Variants in NAF1 observed in about 807,000 individuals in gnomAD.
The protein encoded by NAF1 is nuclear assembly factor 1 ribonucleoprotein.
NAF1 carries 11 observed loss-of-function variants against 40.6 expected under a neutral mutation model. That is an observed-to-expected ratio of 0.27 (90% CI 0.17 to 0.45). The LOEUF (loss-of-function observed/expected upper bound fraction) is 0.45, where lower values mean the gene tolerates loss of function less well. Ranked by LOEUF, NAF1 falls within the 20% of genes least tolerant of loss-of-function variation. NAF1 has a pLI of 1.00. For missense variants in NAF1, 607 were observed against 611.1 expected, an observed-to-expected ratio of 0.99 and a Z score of 0.07; for synonymous variants, 260 against 228.5, an observed-to-expected ratio of 1.14 and a Z score of -1.24.
At chr4:163,113,857 C>T (rs1177539712) in intron 2 of NAF1, among the ~76,000 whole-genome samples, 1 of 152,200 alleles carries the variant, frequency 6.6e-6, no homozygotes, top group East Asian at 1.9e-4. Flanking sequence ...ATGCCATGGA[C>T]TACTTGTGTT....
At chr4:163,123,720 T>C (rs1364743215), downstream of NAF1, among the ~76,000 whole-genome samples, 1 of 152,186 alleles carries the variant, frequency 6.6e-6, no homozygotes, top group East Asian at 1.9e-4. Context: ...TATATTAGCT[T>C]AGGCAATGAT....
intron 2 of NAF1, among the ~76,000 whole-genome samples, chr4:163,163,679 A>AATTC (rs1732323147): frequency 6.7e-6 from 1 of 149,170 alleles, no homozygotes; most frequent in Admixed American, 6.6e-5. Flanking sequence ...ACCATTCTAC[A>AATTC]ATTAACAAGT....
intron 6 of NAF1, among the ~76,000 whole-genome samples, chr4:163,134,481 T>G (rs533031994): frequency 2.0e-5 from 3 of 152,320 alleles, no homozygotes; most frequent in South Asian, 2.1e-4. Flanking sequence ...GATAAGATTT[T>G]AAAACTCAGG....
At chr4:163,123,595 G>A (rs543981106), downstream of NAF1, among the ~76,000 whole-genome samples, 19 of 152,156 alleles carry the variant, frequency 1.2e-4, no homozygotes, top group South Asian at 3.1e-3. Context: ...GCCCAGGTTG[G>A]TGGTCTTGAA....
chr4:163,149,397 GAGT>G (rs1448217242), intron 2 of NAF1, among the ~76,000 whole-genome samples: 1 of 152,170 alleles, frequency 6.6e-6, no homozygotes, highest in Non-Finnish European at 1.5e-5. Context: ...AATGCATCCT[GAGT>G]AATCATATTA....
At chr4:163,133,085 T>C in intron 7 of NAF1, 69 bp downstream of exon 7, 2 of 1,313,962 alleles carry the variant, frequency 1.5e-6, no homozygotes, top group Admixed American at 3.7e-5. Context: ...TCCTTCAGTT[T>C]TATTATTGAT....
In NAF1 at chr4:163,115,254, G is replaced by T. The variant is rs1254354271; in HGVS notation, c.115-4964C>A. ...GACAGAGTCTCGCTCTGTCGCCCAG[G>T]CTGGAGTGCAGTGGCGCCATCTCGG... On this transcript the variant is annotated intron_variant, in intron 2 of 2. Transcript: ENST00000509434. Among the ~76,000 whole-genome samples the T allele has an allele frequency of 3.6e-5, 5 of 140,802 alleles. No homozygotes were observed. In the East Asian group the frequency reaches 8.6e-4, roughly 24 times the overall value. 92.4% of individuals were successfully genotyped at this position (140,802 alleles called of 152,430 possible).
chr4:163,130,257 T>A (rs1730819131), intron 7 of NAF1, among the ~76,000 whole-genome samples: 1 of 151,680 alleles, frequency 6.6e-6, no homozygotes, highest in South Asian at 2.1e-4. Flanking sequence ...ATGAAAAAAA[T>A]AAATCAAGCA....
At chr4:163,106,553 AG>A (rs1383593299), downstream of NAF1, among the ~76,000 whole-genome samples, 12 of 150,138 alleles carry the variant, frequency 8.0e-5, no homozygotes, top group East Asian at 2.0e-3. Flanking sequence ...AAAGTGAAAA[AG>A]AACTACTGAA....
chr4:163,110,772 T>A (rs1250295733), intron 2 of NAF1, among the ~76,000 whole-genome samples: 1 of 152,190 alleles, frequency 6.6e-6, no homozygotes, highest in Admixed American at 6.6e-5. Flanking sequence ...TGGATTTTTT[T>A]AACTCAAAAT....
chr4:163,118,909 G>A (rs1043933092), intron 2 of NAF1, among the ~76,000 whole-genome samples: 17 of 152,192 alleles, frequency 1.1e-4, no homozygotes, highest in African/African-American at 3.6e-4. Flanking sequence ...AGAACTCTAT[G>A]AGAACTAACA....
downstream of NAF1, chr4:163,126,978 G>T: frequency 6.5e-7 from 1 of 1,549,422 alleles, no homozygotes; most frequent in Non-Finnish European, 8.7e-7. Flanking sequence ...TAGACACAAT[G>T]CTATTGCATA....
At chr4:163,156,669 T>C (rs1454269209) in intron 2 of NAF1, among the ~76,000 whole-genome samples, 2 of 152,100 alleles carry the variant, frequency 1.3e-5, no homozygotes, top group East Asian at 3.8e-4. Flanking sequence ...TTCCCAGGCA[T>C]TAACAATATC....
At chr4:163,106,121 A>G (rs1349501844), downstream of NAF1, among the ~76,000 whole-genome samples, 1 of 152,114 alleles carries the variant, frequency 6.6e-6, no homozygotes, top group Non-Finnish European at 1.5e-5. Flanking sequence ...CCTCATTTGG[A>G]TTTGAACCAG....
intron 6 of NAF1, among the ~76,000 whole-genome samples, chr4:163,134,348 C>T (rs1730978987): frequency 6.6e-6 from 1 of 152,128 alleles, no homozygotes; most frequent in Non-Finnish European, 1.5e-5. Flanking sequence ...CACTGGAATA[C>T]ATTCTAGATC....
At chr4:163,137,456 G>A (rs1404094381) in intron 5 of NAF1, among the ~76,000 whole-genome samples, 1 of 152,140 alleles carries the variant, frequency 6.6e-6, no homozygotes, top group African/African-American at 2.4e-5. Context: ...GAAATATTAG[G>A]ATTAGGGAAC....
chr4:163,165,738 T>C (rs1732427766), intron 1 of NAF1, among the ~76,000 whole-genome samples: 1 of 152,120 alleles, frequency 6.6e-6, no homozygotes, highest in African/African-American at 2.4e-5. Flanking sequence ...TGGAGTCCTC[T>C]CCAGCCCAGA....
chr4:163,139,433 C>T (rs565583965), intron 5 of NAF1, among the ~76,000 whole-genome samples: 102 of 151,860 alleles, frequency 6.7e-4, no homozygotes, highest in African/African-American at 2.2e-3. Context: ...TTACATCATT[C>T]GAAAGCATTC....
chr4:163,153,568 T>C (rs182852377), intron 2 of NAF1, among the ~76,000 whole-genome samples: 2 of 152,268 alleles, frequency 1.3e-5, no homozygotes, highest in African/African-American at 2.4e-5. Context: ...GGTTTGTGAA[T>C]GCACCAATCG....
Sources: gnomAD v4.1 joint callset for allele counts (sites outside exome capture counted in the v4.1 genomes callset) on GRCh38, gnomAD v4.1.1 for gene constraint, MANE v1.5 for transcripts, NCBI Gene and HGNC (gene_info 2026-07-23, HGNC 2026-07-21) for gene names.